CSMD1: variants seen among roughly 807,000 people sequenced by gnomAD.
CSMD1 encodes CUB and Sushi multiple domains 1, also known as CUB and sushi domain-containing protein 1.
In CSMD1, 213 loss-of-function variants were observed where a neutral mutation model predicts 417.5. The ratio of observed to expected loss-of-function variants is 0.51; its 90% CI spans 0.46 to 0.57. CSMD1 has a LOEUF of 0.57. CSMD1 is among the 20% of genes least tolerant of loss of function. The pLI, the probability that CSMD1 is intolerant of heterozygous loss-of-function variation, is 0.00. For missense variants in CSMD1, 6,923 were observed against 4,529.7 expected (o/e 1.53, Z -15.17); for synonymous variants, 2,862 against 1,736.8 (o/e 1.65, Z -16.11).
chr8:4,790,567 C>T (rs1797635409), intron 1 of CSMD1, among the ~76,000 whole-genome samples: 1 of 152,150 alleles, frequency 6.6e-6, no homozygotes, highest in African/African-American at 2.4e-5. Flanking sequence ...CATCACACAG[C>T]CCGACTTTAA....
chr8:3,109,613 C>T (rs962745265), intron 43 of CSMD1, among the ~76,000 whole-genome samples: 2 of 152,144 alleles, frequency 1.3e-5, no homozygotes, highest in African/African-American at 2.4e-5. Context: ...CCAGGTGCAT[C>T]CTCACTGCCC....
chr8:3,324,338 G>A (rs1038647738), intron 23 of CSMD1, among the ~76,000 whole-genome samples: 3 of 150,630 alleles, frequency 2.0e-5, no homozygotes, highest in Non-Finnish European at 1.5e-5. Flanking sequence ...AGTCGTCACT[G>A]TTAAAATAGA....
chr8:4,105,263 T>C (rs1194125653), intron 3 of CSMD1, among the ~76,000 whole-genome samples: 1 of 152,192 alleles, frequency 6.6e-6, no homozygotes, highest in African/African-American at 2.4e-5. Flanking sequence ...ACGGCCGTAT[T>C]CAACTGTAAG....
chr8:4,731,938 G>C (rs536423235), intron 1 of CSMD1, among the ~76,000 whole-genome samples: 2 of 152,236 alleles, frequency 1.3e-5, no homozygotes, highest in South Asian at 4.2e-4. Context: ...ATAATAGTGA[G>C]AACGATCACA....
In CSMD1 at chr8:3,084,591, CAAAT is replaced by C. The variant is rs1026701039; in HGVS notation, c.7474+2502_7474+2505del. Among the ~76,000 whole-genome samples the C allele has an allele frequency of 1.5e-4, 22 of 145,740 alleles. 1 individual carries two copies. In the South Asian group the frequency reaches 3.3e-3, roughly 22 times the overall value. ...AGGAAAGTGTGTAATTAATACTAAA[CAAAT>C]AAAATCTCTCTTTGTTGCACACTAC... On this transcript the variant is annotated intron_variant, in intron 49 of 69. Transcript: ENST00000635120.
intron 45 of CSMD1, 141 bp from the exon 46 acceptor site, chr8:3,106,782 C>G (rs1224726358): frequency 3.8e-5 from 20 of 520,382 alleles, no homozygotes; most frequent in Non-Finnish European, 3.5e-6. Flanking sequence ...TATTTTTAGT[C>G]TTTTAAAAAT....
chr8:4,624,933 A>G (rs1260495004), intron 2 of CSMD1, among the ~76,000 whole-genome samples: 2 of 152,172 alleles, frequency 1.3e-5, no homozygotes, highest in Non-Finnish European at 2.9e-5. Context: ...TGCTCCTGGT[A>G]GAGAACAGCA....
intron 26 of CSMD1, among the ~76,000 whole-genome samples, chr8:3,237,417 A>G (rs775720321): frequency 1.3e-5 from 2 of 151,628 alleles, no homozygotes; most frequent in African/African-American, 4.8e-5. Context: ...AGATGGCACC[A>G]TTGTACTCCA....
chr8:4,729,052 A>T (rs751011066), intron 1 of CSMD1, among the ~76,000 whole-genome samples: 31 of 152,176 alleles, frequency 2.0e-4, no homozygotes, highest in Non-Finnish European at 3.7e-4. Context: ...TTCACTGATG[A>T]CCTGAATATA....
chr8:3,422,844 G>A (rs1209758929), intron 12 of CSMD1, among the ~76,000 whole-genome samples: 1 of 152,184 alleles, frequency 6.6e-6, no homozygotes, highest in African/African-American at 2.4e-5. Flanking sequence ...GATGACAACT[G>A]CTCTCTGCTT....
chr8:4,136,039 A>G (rs1369464288), intron 3 of CSMD1, among the ~76,000 whole-genome samples: 1 of 152,202 alleles, frequency 6.6e-6, no homozygotes, highest in African/African-American at 2.4e-5. Flanking sequence ...AAAACCAAAG[A>G]AGAATTTTAA....
intron 5 of CSMD1, among the ~76,000 whole-genome samples, chr8:3,982,272 T>A (rs918944674): frequency 6.6e-6 from 1 of 151,416 alleles, no homozygotes; most frequent in East Asian, 1.9e-4. Context: ...GGGATTTAAA[T>A]CCTGGTCTAC....
At chr8:4,199,022 C>T (rs958035343) in intron 3 of CSMD1, among the ~76,000 whole-genome samples, 6 of 152,204 alleles carry the variant, frequency 3.9e-5, no homozygotes, top group African/African-American at 1.2e-4. Context: ...CACTTTCAAT[C>T]CCCTATGTAC....
chr8:3,652,082 AC>A (rs1331805037), intron 7 of CSMD1, among the ~76,000 whole-genome samples: 2 of 148,978 alleles, frequency 1.3e-5, no homozygotes, highest in Non-Finnish European at 3.0e-5. Flanking sequence ...CAGAGCGCTT[AC>A]CACCATCAGA....
chr8:3,420,613 A>C (rs1180704953), intron 12 of CSMD1, among the ~76,000 whole-genome samples: 1 of 152,142 alleles, frequency 6.6e-6, no homozygotes, highest in Admixed American at 6.6e-5. Context: ...AAAATCAAAA[A>C]TGTTAATTTG....
At chr8:4,714,206 G>A (rs1053824924) in intron 1 of CSMD1, among the ~76,000 whole-genome samples, 13 of 152,018 alleles carry the variant, frequency 8.6e-5, no homozygotes, top group Non-Finnish European at 1.5e-5. Flanking sequence ...CACGTCCACC[G>A]TGTTGACGCC....
intron 3 of CSMD1, among the ~76,000 whole-genome samples, chr8:4,211,930 G>C (rs924566212): frequency 2.0e-5 from 3 of 152,116 alleles, no homozygotes; most frequent in South Asian, 2.1e-4. Flanking sequence ...TAGGAAGAAA[G>C]GGTAATAAAG....
chr8:4,338,928 G>T (rs1197928521), intron 3 of CSMD1, among the ~76,000 whole-genome samples: 1 of 152,138 alleles, frequency 6.6e-6, no homozygotes, highest in South Asian at 2.1e-4. Context: ...TAAAGTTAAA[G>T]TAAGGGTAAG....
At chr8:4,292,903 G>C (rs888657588) in intron 3 of CSMD1, among the ~76,000 whole-genome samples, 5 of 152,152 alleles carry the variant, frequency 3.3e-5, no homozygotes, top group South Asian at 2.1e-4. Context: ...TAATTTGTTA[G>C]TTCTGCAAAT....
Sources: gnomAD v4.1 joint callset for allele counts (sites outside exome capture counted in the v4.1 genomes callset) on GRCh38, gnomAD v4.1.1 for gene constraint, MANE v1.5 for transcripts, NCBI Gene and HGNC (gene_info 2026-07-23, HGNC 2026-07-21) for gene names.